Variants in XYLB observed in about 807,000 individuals in gnomAD.
The protein encoded by XYLB is xylulose kinase.
A neutral mutation model predicts 78.7 loss-of-function variants in XYLB; 62 were observed. That is an observed-to-expected ratio of 0.79 (90% CI 0.64 to 0.97). The LOEUF (loss-of-function observed/expected upper bound fraction) is 0.97. Ranked by LOEUF, XYLB falls within the 50% of genes least tolerant of loss-of-function variation. The pLI is 0.00. For missense variants in XYLB, 687 were observed against 676.8 expected, an observed-to-expected ratio of 1.02 and a Z score of -0.17; for synonymous variants, 245 against 247.4, an observed-to-expected ratio of 0.99 and a Z score of 0.09.
intron 9 of XYLB, among the ~76,000 whole-genome samples, chr3:38,372,116 T>A (rs1197256284): frequency 6.6e-6 from 1 of 152,160 alleles, no homozygotes; most frequent in African/African-American, 2.4e-5. Flanking sequence ...AGACCCATGT[T>A]TTTCGTCATC....
intron 17 of XYLB, among the ~76,000 whole-genome samples, chr3:38,397,900 G>A (rs1311432444): frequency 6.8e-6 from 1 of 148,132 alleles, no homozygotes; most frequent in African/African-American, 2.5e-5. Context: ...TTCAATGCAA[G>A]CTCTGCCTCC....
At chr3:38,359,869 C>T (rs1705873066) in intron 2 of XYLB, among the ~76,000 whole-genome samples, 1 of 151,956 alleles carries the variant, frequency 6.6e-6, no homozygotes, top group South Asian at 2.1e-4. Context: ...CAGCTCTTTG[C>T]ACTAGAGTCT....
chr3:38,357,588 G>A (rs1055765576), intron 2 of XYLB, among the ~76,000 whole-genome samples: 7 of 152,042 alleles, frequency 4.6e-5, no homozygotes, highest in South Asian at 4.2e-4. Flanking sequence ...GGGTTTCACC[G>A]TGTTAGCCAG....
rs200603342 is a variant in XYLB at position 38,374,450 on chromosome 3, T to G, written c.848-12T>G. 2.5e-6 allele frequency: 4 copies of G among 1,613,992 alleles called. No homozygotes were observed. The highest frequency in any genetic ancestry group is 1.7e-5 in the Admixed American group (1 of 60,016). On this transcript the variant is annotated splice_polypyrimidine_tract_variant and intron_variant, in intron 10 of 18. Coordinates refer to ENST00000207870, the MANE Select transcript of XYLB (RefSeq NM_005108.4). The stretch of plus-strand genomic sequence containing the variant: ...GCCGCCAGCTAACCAGAAGCTCCCC[T>G]CCCATTCTCAGCGTCGCTGGCAGGC...
intron 6 of XYLB, 152 bp from the exon 7 acceptor site, chr3:38,366,656 C>A: frequency 1.7e-6 from 1 of 582,854 alleles, no homozygotes; most frequent in Non-Finnish European, 3.0e-6. Context: ...GGATTACAAG[C>A]GCACACTACT....
intron 4 of XYLB, 139 bp from the exon 5 acceptor site, chr3:38,365,060 T>G: frequency 2.9e-5 from 20 of 684,328 alleles, no homozygotes; most frequent in Non-Finnish European, 3.8e-5. Context: ...AGGAGGGTGA[T>G]GAGCTCTGTG....
chr3:38,392,558 A>G (rs1707709764), intron 15 of XYLB, among the ~76,000 whole-genome samples: 3 of 152,218 alleles, frequency 2.0e-5, no homozygotes, highest in South Asian at 2.1e-4. Context: ...CGGTCTCCCA[A>G]AGTGCTGGGA....
At chr3:38,425,112 G>A (rs1425474019), downstream of XYLB, among the ~76,000 whole-genome samples, 1 of 152,214 alleles carries the variant, frequency 6.6e-6, no homozygotes, top group Non-Finnish European at 1.5e-5. Context: ...TTGGCAAATG[G>A]ATGTCACACA....
chr3:38,451,840 CAAGT>C, the XYLB span: 1 of 152,120 alleles, frequency 6.6e-6, no homozygotes, highest in African/African-American at 2.4e-5. Context: ...CTGCAGTTGT[CAAGT>C]AAGCAGTTGG....
intron 5 of XYLB, 43 bp from the exon 6 acceptor site, chr3:38,365,565 C>T (rs1280738535): frequency 2.5e-6 from 4 of 1,570,958 alleles, no homozygotes; most frequent in Non-Finnish European, 3.5e-6. Context: ...ATCTCCAAGT[C>T]AGCGGATGGA....
In XYLB at chr3:38,359,683, G is replaced by T. The variant is rs112922092; in HGVS notation, c.141-656G>T. On this transcript the variant is annotated intron_variant, in intron 2 of 18. Transcript: ENST00000207870. ...CCAGTTAATTATTACAAATAAGTCTGCTATGAATATTTGTGTACAAATCTT... is the reference window on the plus strand; with the variant it reads ...CCAGTTAATTATTACAAATAAGTCTTCTATGAATATTTGTGTACAAATCTT... Among the ~76,000 whole-genome samples the T allele has an allele frequency of 5.9e-5, 9 of 152,292 alleles. 1 individual carries two copies. The highest frequency in any genetic ancestry group is 2.2e-4 in the African/African-American group (9 of 41,548).
At chr3:38,434,290 C>T in the XYLB span, among the ~76,000 whole-genome samples, 1 of 152,078 alleles carries the variant, frequency 6.6e-6, no homozygotes, top group Admixed American at 6.5e-5. Context: ...TTTCTAAAGT[C>T]CAAGATAATG....
intron 15 of XYLB, among the ~76,000 whole-genome samples, chr3:38,387,321 TTCTC>T (rs943496973): frequency 2.0e-5 from 3 of 152,056 alleles, no homozygotes; most frequent in East Asian, 3.8e-4. Flanking sequence ...TTTTTTTTTT[TTCTC>T]TCTCTCCCTG....
At chr3:38,402,424 C>G (rs1233155006) in intron 18 of XYLB, among the ~76,000 whole-genome samples, 1 of 152,190 alleles carries the variant, frequency 6.6e-6, no homozygotes, top group Non-Finnish European at 1.5e-5. Context: ...ATCTTGGAAG[C>G]AAGAGCTCAT....
downstream of XYLB, among the ~76,000 whole-genome samples, chr3:38,422,530 G>A (rs1326877003): frequency 3.3e-5 from 5 of 152,180 alleles, no homozygotes; most frequent in South Asian, 4.1e-4. Context: ...AGCACTGGCC[G>A]TCTGTGTGGC....
intron 8 of XYLB, among the ~76,000 whole-genome samples, chr3:38,368,556 CG>C (rs1559585418): frequency 6.6e-6 from 1 of 152,124 alleles, no homozygotes; most frequent in East Asian, 1.9e-4. Context: ...AGCTGGCAGC[CG>C]GGGCTGCAGT....
In XYLB at chr3:38,346,808, G is replaced by A. The variant is rs1559564327; in HGVS notation, c.-61G>A. 5.5e-6 allele frequency: 8 copies of A among 1,444,132 alleles called. No homozygotes were observed. Among genetic ancestry groups the A allele is most frequent in the Non-Finnish European group, 7.3e-6 (8 of 1,092,510 alleles). 89.5% of individuals were successfully genotyped at this position (1,444,132 alleles called of 1,614,324 possible). A position where few individuals can be genotyped will look rare whatever the true frequency, so the allele number is the denominator to read the frequency against. ...GCGTCTCTGGGCGCTGGAGCGCGGC[G>A]ACTATCACGCCGCGTGGCGGACGGA... On this transcript the variant is annotated 5_prime_UTR_variant, in exon 1 of 19. Coordinates refer to ENST00000207870, the MANE Select transcript of XYLB (RefSeq NM_005108.4).
downstream of XYLB, among the ~76,000 whole-genome samples, chr3:38,426,263 C>T (rs997070106): frequency 6.6e-6 from 1 of 152,158 alleles, no homozygotes; most frequent in South Asian, 2.1e-4. Context: ...CTCCAACAAT[C>T]TGTAATGTGG....
downstream of XYLB, among the ~76,000 whole-genome samples, chr3:38,425,266 C>T (rs1709077937): frequency 6.6e-6 from 1 of 152,166 alleles, no homozygotes; most frequent in Admixed American, 6.5e-5. Context: ...ATGGGCATTC[C>T]AGCTTCAGTT....
Sources: allele counts gnomAD v4.1 joint callset (sites outside exome capture counted in the v4.1 genomes callset), GRCh38; gene constraint gnomAD v4.1.1; transcripts MANE v1.5; gene names NCBI Gene and HGNC (gene_info 2026-07-23, HGNC 2026-07-21).